Variants in RIMBP2 observed in about 807,000 individuals in gnomAD.
The protein encoded by RIMBP2 is RIMS-binding protein 2.
Under a neutral mutation model 118.6 loss-of-function variants are expected in RIMBP2, and 48 were observed. The ratio of observed to expected loss-of-function variants is 0.40; its 90% CI spans 0.32 to 0.51. The LOEUF is 0.51. RIMBP2 is among the 20% of genes least tolerant of loss of function. The pLI is 0.41. For synonymous variants in RIMBP2, 762 were observed against 742.9 expected (o/e 1.03, Z -0.42); for missense variants, 1,551 against 1,768.3 (o/e 0.88, Z 2.20).
chr12:130,481,233 C>A (rs1046057302), intron 4 of RIMBP2, among the ~76,000 whole-genome samples: 2 of 145,060 alleles, frequency 1.4e-5, no homozygotes, highest in African/African-American at 2.5e-5. Context: ...ATTCTTCTTG[C>A]CAGTTTTCCA....
In RIMBP2 at chr12:130,442,374, G is replaced by T. The variant is rs374447810; in HGVS notation, c.978C>A (p.Leu326=). 6 of 1,614,052 alleles carry T rather than the reference G, an allele frequency of 3.7e-6. 1 individual carries two copies. In the South Asian group the frequency reaches 5.5e-5, roughly 15 times the overall value. ...CCCAGCCCACAATAACACTTTTGGC[G>T]AGTTGTTTGATGAGGGTGATTTTTC... ...YPRKITLIKQ[L]AKSVIVGWEP... The change falls in exon 11 of 23, where the codon CTC becomes CTA. Residue 326 remains leucine (L), a synonymous_variant. Transcript: ENST00000690449. The surrounding 1 kb of genome is among the most constrained non-coding windows in gnomAD (Gnocchi z 6.9).
At chr12:130,652,886 T>TCTCAC (rs2136283557) in intron 1 of RIMBP2, among the ~76,000 whole-genome samples, 1 of 152,148 alleles carries the variant, frequency 6.6e-6, no homozygotes, top group South Asian at 2.1e-4. Flanking sequence ...AACAATCAGA[T>TCTCAC]CTCACGTGAA....
chr12:130,426,358 C>G (rs1489664516), intron 15 of RIMBP2: 2 of 151,632 alleles, frequency 1.3e-5, no homozygotes, highest in African/African-American at 2.4e-5. Flanking sequence ...CAGCTCACTG[C>G]AACTTCTGCC....
At chr12:130,647,834 C>G (rs1451635811) in intron 1 of RIMBP2, among the ~76,000 whole-genome samples, 2 of 145,810 alleles carry the variant, frequency 1.4e-5, no homozygotes, top group Non-Finnish European at 3.1e-5. Context: ...CTTTAAAGAC[C>G]CTCCCCTTTA....
At chr12:130,695,758 C>A (rs60142775) in intron 1 of RIMBP2, among the ~76,000 whole-genome samples, 1 of 152,000 alleles carries the variant, frequency 6.6e-6, no homozygotes, top group Non-Finnish European at 1.5e-5. Flanking sequence ...GGATGGCTGT[C>A]TAGGTGAAGG....
chr12:130,502,329 C>T (rs929530252), intron 4 of RIMBP2, among the ~76,000 whole-genome samples: 1 of 152,182 alleles, frequency 6.6e-6, no homozygotes, highest in African/African-American at 2.4e-5. Flanking sequence ...CTTATTGGGA[C>T]GGGGGTAATA....
chr12:130,712,197 C>A (rs1041715224), intron 1 of RIMBP2, among the ~76,000 whole-genome samples: 1 of 152,168 alleles, frequency 6.6e-6, no homozygotes, highest in Non-Finnish European at 1.5e-5. Context: ...GTTTAGACTA[C>A]GCTAAATTTA....
At chr12:130,591,709 A>G (rs1458684934) in intron 2 of RIMBP2, among the ~76,000 whole-genome samples, 1 of 152,030 alleles carries the variant, frequency 6.6e-6, no homozygotes, top group Non-Finnish European at 1.5e-5. Context: ...TTTACCACCC[A>G]CCCAGGTGCT....
In RIMBP2 at chr12:130,621,502, C is replaced by T. The variant is rs2061312505; in HGVS notation, c.-217+6820G>A. ...TCTCTTCAATTACACCTGTCAAGAGCTCCCGTTTTTGCTGAGGCTAGTTTG... is the reference window on the plus strand; with the variant it reads ...TCTCTTCAATTACACCTGTCAAGAGTTCCCGTTTTTGCTGAGGCTAGTTTG... On this transcript the variant is annotated intron_variant, in intron 2 of 22. Transcript: ENST00000690449. This position sits in a 1 kb window ranked among gnomAD's most constrained non-coding sequence, Gnocchi z 6.6. 6.6e-6 allele frequency among the ~76,000 whole-genome samples: 1 copy of T among 152,168 alleles called. No individual in the cohort carries two copies. Among genetic ancestry groups the T allele is most frequent in the Non-Finnish European group, 1.5e-5 (1 of 68,026 alleles).
At chr12:130,641,293 A>G (rs962568828) in intron 1 of RIMBP2, among the ~76,000 whole-genome samples, 5 of 151,766 alleles carry the variant, frequency 3.3e-5, no homozygotes, top group African/African-American at 1.2e-4. Flanking sequence ...CCTTCATCTC[A>G]TGGTGACTGC....
chr12:130,657,092 C>T (rs1052964646), intron 1 of RIMBP2, among the ~76,000 whole-genome samples: 3 of 152,150 alleles, frequency 2.0e-5, no homozygotes, highest in African/African-American at 7.2e-5. Flanking sequence ...GAGATAGGGT[C>T]TTGCTATGTT....
chr12:130,545,116 C>T (rs567591753), intron 2 of RIMBP2, among the ~76,000 whole-genome samples: 12 of 152,088 alleles, frequency 7.9e-5, no homozygotes, highest in Non-Finnish European at 1.6e-4. Flanking sequence ...CTAAATTGTA[C>T]CTATATATCA....
rs948427892 is a variant in RIMBP2, at chr12:130,564,363, C to T, written c.-216-46446G>A. ...TCCCAAAGCATTTCTCATTTAGATG[C>T]GCCAAATCTTTTACTTTTTTCTAAC... On this transcript the variant is annotated intron_variant, in intron 2 of 22. Transcript: ENST00000690449. 3.0e-4 allele frequency among the ~76,000 whole-genome samples: 46 copies of T among 152,050 alleles called. No individual in the cohort carries two copies. The Middle Eastern group carries it at 0.014, about 45-fold the overall frequency.
chr12:130,401,948 C>G (rs939758455), intron 21 of RIMBP2, among the ~76,000 whole-genome samples: 8 of 152,176 alleles, frequency 5.3e-5, no homozygotes, highest in Non-Finnish European at 8.8e-5. Flanking sequence ...GTGTGTACCC[C>G]AGCCTGCAGA....
At chr12:130,608,344 T>C (rs2060309872) in intron 2 of RIMBP2, among the ~76,000 whole-genome samples, 1 of 152,250 alleles carries the variant, frequency 6.6e-6, no homozygotes, top group Non-Finnish European at 1.5e-5. Flanking sequence ...GCATTTCCTA[T>C]GCACAGCCCA....
At chr12:130,468,670 G>A (rs2080732545) in intron 6 of RIMBP2, among the ~76,000 whole-genome samples, 1 of 152,186 alleles carries the variant, frequency 6.6e-6, no homozygotes, top group Non-Finnish European at 1.5e-5. Flanking sequence ...CAACGCAGAG[G>A]CAGAACGGAA....
At chr12:130,638,341 C>T (rs75366139) in intron 1 of RIMBP2, among the ~76,000 whole-genome samples, 3,755 of 152,246 alleles carry the variant, frequency 0.025, 151 homozygotes, top group African/African-American at 0.086. Flanking sequence ...ATAGAGGAGC[C>T]TTCATTGCAC....
chr12:130,580,724 G>A (rs2058415631), intron 2 of RIMBP2, among the ~76,000 whole-genome samples: 1 of 152,138 alleles, frequency 6.6e-6, no homozygotes, highest in Non-Finnish European at 1.5e-5. Context: ...CAGATCACTT[G>A]GGGTCAGAAG....
intron 3 of RIMBP2, among the ~76,000 whole-genome samples, chr12:130,512,264 A>G (rs1315255274): frequency 6.6e-6 from 1 of 151,602 alleles, no homozygotes; most frequent in African/African-American, 2.4e-5. Flanking sequence ...CCTCTGGCTG[A>G]GCACAATATA....
Sources: allele counts gnomAD v4.1 joint callset (sites outside exome capture counted in the v4.1 genomes callset), GRCh38; gene constraint gnomAD v4.1.1; non-coding constraint Gnocchi (gnomAD v3.1); transcripts MANE v1.5; gene names NCBI Gene and HGNC (gene_info 2026-07-23, HGNC 2026-07-21).